Variants in AHCYL2 observed in about 807,000 individuals in gnomAD.
The protein encoded by AHCYL2 is S-adenosylhomocysteine hydrolase-like protein 2.
In AHCYL2, 28 loss-of-function variants were observed where a neutral mutation model predicts 81.4. The ratio of observed to expected loss-of-function variants is 0.34; its 90% CI spans 0.25 to 0.47. The LOEUF (loss-of-function observed/expected upper bound fraction) is 0.47. Ranked by LOEUF, AHCYL2 falls within the 20% of genes least tolerant of loss-of-function variation. The pLI is 1.00. For synonymous variants in AHCYL2, 272 were observed against 290.2 expected, an observed-to-expected ratio of 0.94 and a Z score of 0.64; for missense variants, 551 against 785.1, an observed-to-expected ratio of 0.70 and a Z score of 3.56.
chr7:129,297,234 G>T (rs1358727196), intron 1 of AHCYL2, among the ~76,000 whole-genome samples: 1 of 152,194 alleles, frequency 6.6e-6, no homozygotes, highest in Non-Finnish European at 1.5e-5. Context: ...TTTTTGTAGT[G>T]CTATGTCCCC....
At chr7:129,398,864 A>T (rs1795879121) in intron 5 of AHCYL2, among the ~76,000 whole-genome samples, 1 of 152,008 alleles carries the variant, frequency 6.6e-6, no homozygotes, top group Non-Finnish European at 1.5e-5. Context: ...TTCACTACAC[A>T]AACAAGAGGC....
intron 12 of AHCYL2, among the ~76,000 whole-genome samples, chr7:129,414,251 G>T (rs1056268862): frequency 6.6e-6 from 1 of 152,042 alleles, no homozygotes; most frequent in East Asian, 1.9e-4. Context: ...GTGTCTGCAG[G>T]TGTCATAATC....
At chr7:129,302,970 G>A (rs1797304095) in intron 1 of AHCYL2, among the ~76,000 whole-genome samples, 1 of 152,076 alleles carries the variant, frequency 6.6e-6, no homozygotes, top group South Asian at 2.1e-4. Flanking sequence ...CAGCAGTGAA[G>A]CCATTGGGTC....
intron 1 of AHCYL2, among the ~76,000 whole-genome samples, chr7:129,337,619 G>T (rs1361207984): frequency 1.3e-5 from 2 of 152,036 alleles, no homozygotes; most frequent in South Asian, 4.2e-4. Context: ...GGCTGGTCTC[G>T]AACTCTTGAC....
At chr7:129,420,511 C>G (rs76263654) in intron 12 of AHCYL2, among the ~76,000 whole-genome samples, 1,774 of 144,618 alleles carry the variant, frequency 0.012, 34 homozygotes, top group African/African-American at 0.043. Context: ...CAAGATCTCA[C>G]TGTTACCACC....
chr7:129,338,673 CTCTT>C (rs1256303949), intron 1 of AHCYL2, among the ~76,000 whole-genome samples: 2 of 152,102 alleles, frequency 1.3e-5, no homozygotes, highest in Non-Finnish European at 2.9e-5. Flanking sequence ...GTATTTATTT[CTCTT>C]TCTATGTAAA....
chr7:129,424,338 T>TA (rs1239607559), intron 13 of AHCYL2, among the ~76,000 whole-genome samples: 4 of 152,012 alleles, frequency 2.6e-5, no homozygotes, highest in Non-Finnish European at 5.9e-5. Flanking sequence ...GGGCAGAGGT[T>TA]ACAGTGAGTC....
chr7:129,375,925 A>C lies in AHCYL2; in HGVS notation c.364-3713A>C, dbSNP rs958475467. On this transcript the variant is annotated intron_variant, in intron 1 of 16. Transcript: ENST00000325006. ...AATGGCAACTCTGGGATTAAGGCCC[A>C]GGTGAGGCTAAGCTCTTATTTACCA... 6 of 1,536,038 alleles carry C rather than the reference A, an allele frequency of 3.9e-6. No individual in the cohort carries two copies. The African/African-American group carries it at 5.5e-5, about 14-fold the overall frequency.
intron 1 of AHCYL2, among the ~76,000 whole-genome samples, chr7:129,309,825 G>C (rs1797587005): frequency 1.3e-5 from 2 of 151,378 alleles, no homozygotes; most frequent in South Asian, 4.2e-4. Context: ...ACGTTGGTTG[G>C]TTCCCTTTGC....
At chr7:129,377,664 C>G (rs1357647129) in intron 1 of AHCYL2, 1 of 455,714 alleles carries the variant, frequency 2.2e-6, no homozygotes, top group Admixed American at 2.4e-5. Context: ...TTCATTAGAC[C>G]TTCCTCTATG....
At chr7:129,398,762 A>C (rs1193505820) in intron 5 of AHCYL2, among the ~76,000 whole-genome samples, 1 of 152,136 alleles carries the variant, frequency 6.6e-6, no homozygotes, top group Non-Finnish European at 1.5e-5. Flanking sequence ...TTACCCTCAG[A>C]ATCTTATATT....
intron 1 of AHCYL2, among the ~76,000 whole-genome samples, chr7:129,326,845 G>T (rs904892870): frequency 1.3e-5 from 2 of 152,118 alleles, no homozygotes; most frequent in Non-Finnish European, 2.9e-5. Context: ...ATTGCAGAGA[G>T]GCAAGGACTG....
intron 1 of AHCYL2, among the ~76,000 whole-genome samples, chr7:129,328,066 G>A (rs907236563): frequency 1.3e-5 from 2 of 152,238 alleles, no homozygotes; most frequent in East Asian, 1.9e-4. Context: ...CCAAAGGGCT[G>A]GGATTGCAGG....
intron 1 of AHCYL2, among the ~76,000 whole-genome samples, chr7:129,288,817 G>T (rs1796731032): frequency 6.6e-6 from 1 of 152,044 alleles, no homozygotes; most frequent in African/African-American, 2.4e-5. Context: ...CACCCAGGCT[G>T]GAGGTGCAGT....
chr7:129,368,275 G>C lies in AHCYL2; in HGVS notation c.364-11363G>C, dbSNP rs998742517. On this transcript the variant is annotated intron_variant, in intron 1 of 16. Transcript: ENST00000325006. The surrounding 1 kb of genome is among the most constrained non-coding windows in gnomAD (Gnocchi z 4.4). ...AGCTCTGATTTTGAAATCAGACACA[G>C]AAGGCTTTGAAGCCGGCCAGTAAGG... 1.4e-6 allele frequency: 2 copies of C among 1,411,560 alleles called. No homozygotes were observed. Among genetic ancestry groups the C allele is most frequent in the Non-Finnish European group, 1.8e-6 (2 of 1,084,402 alleles). The allele number at this position is 1,411,560 out of a possible 1,614,324, so 87.4% of individuals were successfully genotyped here.
chr7:129,315,523 G>C (rs1272966604), intron 1 of AHCYL2, among the ~76,000 whole-genome samples: 1 of 152,144 alleles, frequency 6.6e-6, no homozygotes, highest in Non-Finnish European at 1.5e-5. Flanking sequence ...CATTCTTAAA[G>C]TTACCACCTT....
intron 1 of AHCYL2, among the ~76,000 whole-genome samples, chr7:129,252,826 T>A (rs186444570): frequency 2.6e-5 from 4 of 152,086 alleles, no homozygotes; most frequent in East Asian, 3.9e-4. Context: ...ATTGATTGAT[T>A]GATAGATAAA....
intron 1 of AHCYL2, among the ~76,000 whole-genome samples, chr7:129,254,253 G>T (rs374583048): frequency 6.6e-6 from 1 of 152,124 alleles, no homozygotes; most frequent in Non-Finnish European, 1.5e-5. Flanking sequence ...GACAAAGATG[G>T]CTAATTAGAG....
At chr7:129,395,200 C>T (rs2150917003) in intron 4 of AHCYL2, among the ~76,000 whole-genome samples, 1 of 152,280 alleles carries the variant, frequency 6.6e-6, no homozygotes, top group African/African-American at 2.4e-5. Flanking sequence ...TCTGCTTTAC[C>T]CTCAGCCTTC....
Sources: gnomAD v4.1 joint callset for allele counts (sites outside exome capture counted in the v4.1 genomes callset) on GRCh38, gnomAD v4.1.1 for gene constraint, Gnocchi (gnomAD v3.1) non-coding constraint, MANE v1.5 for transcripts, NCBI Gene and HGNC (gene_info 2026-07-23, HGNC 2026-07-21) for gene names.